Variants in CIT observed in about 807,000 individuals in gnomAD.
CIT encodes citron rho-interacting serine/threonine kinase, also known as citron Rho-interacting kinase.
A neutral mutation model predicts 272.7 loss-of-function variants in CIT; 79 were observed. That is an observed-to-expected ratio of 0.29 (90% CI 0.24 to 0.35). CIT has a LOEUF of 0.35. Ranked by LOEUF, CIT falls within the 10% of genes least tolerant of loss-of-function variation. The pLI is 1.00. For synonymous variants in CIT, 948 were observed against 995.6 expected (o/e 0.95, Z 0.90); for missense variants, 1,909 against 2,618.3 (o/e 0.73, Z 5.91).
intron 9 of CIT, among the ~76,000 whole-genome samples, chr12:119,812,947 A>C (rs762051279): frequency 1.3e-5 from 2 of 152,192 alleles, no homozygotes; most frequent in Non-Finnish European, 2.9e-5. Context: ...CAAACTTAAA[A>C]CTTCCCCTTT....
Position 119,688,117 on chromosome 12 carries a change from T to G in CIT, c.*115A>C. 8.4e-7 allele frequency: 1 copy of G among 1,194,630 alleles called. No individual in the cohort carries two copies. Among genetic ancestry groups the G allele is most frequent in the East Asian group, 2.3e-5 (1 of 42,966 alleles). The allele number at this position is 1,194,630 out of a possible 1,614,324, so 74.0% of individuals were successfully genotyped here. A position where few individuals can be genotyped will look rare whatever the true frequency, so the allele number is the denominator to read the frequency against. ...GTGCCGAGGTGGGTCTGGGCCCCGC[T>G]GAGCCAGAGGGTGGCTGAGCACGTG... On this transcript the variant is annotated 3_prime_UTR_variant, in exon 48 of 48. Coordinates refer to ENST00000392521, the MANE Select transcript of CIT (RefSeq NM_001206999.2).
chr12:119,847,924 A>C (rs568249864), intron 5 of CIT, among the ~76,000 whole-genome samples: 1 of 152,222 alleles, frequency 6.6e-6, no homozygotes, highest in South Asian at 2.1e-4. Flanking sequence ...AAAAAATTAA[A>C]AGTCTGTTAA....
intron 28 of CIT, among the ~76,000 whole-genome samples, chr12:119,726,385 ATTTTTTTTTTT>A (rs3999547): frequency 1.7e-4 from 17 of 101,444 alleles, no homozygotes; most frequent in South Asian, 6.4e-4. Context: ...CACTTGGCTA[ATTTTTTTTTTT>A]TTTTTTTTTT....
In CIT at chr12:119,686,892, T is replaced by C. The variant is rs3742046; in HGVS notation, c.*1340A>G. 0.018 allele frequency: 2,713 copies of C among 152,840 alleles called. 82 individuals carry two copies. Among genetic ancestry groups the C allele is most frequent in the East Asian group, 0.14 (715 of 5,176 alleles). The allele number at this position is 152,840 out of a possible 1,614,324, so 9.5% of individuals were successfully genotyped here. A position where few individuals can be genotyped will look rare whatever the true frequency, so the allele number is the denominator to read the frequency against. On this transcript the variant is annotated 3_prime_UTR_variant, in exon 48 of 48. Coordinates refer to ENST00000392521, the MANE Select transcript of CIT (RefSeq NM_001206999.2). ...CTGGAAGAGTTGAGCTGCGGCTGCT[T>C]TCTCAAACTTCCTGGTCTTAGGTCT...
chr12:119,820,532 G>A (rs565142390), intron 9 of CIT, among the ~76,000 whole-genome samples: 1 of 151,826 alleles, frequency 6.6e-6, no homozygotes, highest in African/African-American at 2.4e-5. Flanking sequence ...CCTGGGCGAC[G>A]GGAAGACTGT....
At chr12:119,735,098 G>A (rs1021487849) in intron 25 of CIT, 62 bp downstream of exon 25, 7 of 1,519,800 alleles carry the variant, frequency 4.6e-6, no homozygotes, top group African/African-American at 4.1e-5. Context: ...AACGCACCAA[G>A]CACTCCTAAA....
intron 9 of CIT, among the ~76,000 whole-genome samples, chr12:119,821,801 T>C (rs1045240134): frequency 1.7e-4 from 26 of 152,196 alleles, no homozygotes; most frequent in African/African-American, 6.3e-4. Flanking sequence ...GAGATGTCTA[T>C]TTATTTAGAA....
chr12:119,722,581 C>A (rs1407396985), intron 28 of CIT, among the ~76,000 whole-genome samples: 1 of 152,166 alleles, frequency 6.6e-6, no homozygotes, highest in Admixed American at 6.5e-5. Context: ...AGTAGAAAGA[C>A]CTGGATGCTG....
intron 9 of CIT, among the ~76,000 whole-genome samples, chr12:119,819,344 A>G (rs1270917187): frequency 6.6e-6 from 1 of 152,124 alleles, no homozygotes; most frequent in Non-Finnish European, 1.5e-5. Context: ...AGCAACCCCA[A>G]GAGGCAGGAC....
At chr12:119,737,093 G>A (rs924993546) in intron 24 of CIT, among the ~76,000 whole-genome samples, 1 of 151,840 alleles carries the variant, frequency 6.6e-6, no homozygotes, top group African/African-American at 2.4e-5. Flanking sequence ...TAAACATGAG[G>A]TCAGGAGATC....
At chr12:119,826,657 T>C (rs534067361) in intron 7 of CIT, among the ~76,000 whole-genome samples, 62 of 152,352 alleles carry the variant, frequency 4.1e-4, no homozygotes, top group African/African-American at 1.4e-3. Flanking sequence ...ATTTTAGCTA[T>C]ATAGTGTGTT....
At chr12:119,875,896 G>T (rs1467651141) in intron 2 of CIT, among the ~76,000 whole-genome samples, 177 bp downstream of exon 2, 2 of 152,268 alleles carry the variant, frequency 1.3e-5, no homozygotes, top group East Asian at 3.9e-4. Context: ...GCTGAGGCAG[G>T]AGAATCGCTT....
chr12:119,876,685 T>C (rs1225249430), intron 1 of CIT, among the ~76,000 whole-genome samples: 1 of 152,128 alleles, frequency 6.6e-6, no homozygotes, highest in Admixed American at 6.5e-5. Flanking sequence ...CTTGAAGACC[T>C]GAAGCGAATG....
chr12:119,827,216 T>G (rs960636173), intron 7 of CIT, among the ~76,000 whole-genome samples: 1 of 152,040 alleles, frequency 6.6e-6, no homozygotes, highest in South Asian at 2.1e-4. Flanking sequence ...CTTGGCTTGA[T>G]AGACAGAAGG....
Position 119,713,587 on chromosome 12 carries a change from A to T in CIT, c.4368T>A (p.Pro1456=). ...CGGTGAAGTGTGTGGCATATTCAGC[A>T]GGCAAGCCGCAGGTGGCTGGCAAGC... is the stretch of plus-strand genomic sequence containing the variant. ...STCLPATCGL[P]AEYATHFTEA... Residue 1456 remains proline (P), a synonymous_variant, in exon 34 of 48, where the codon CCT becomes CCA. Transcript: ENST00000392521. The surrounding 1 kb of genome is among the most constrained non-coding windows in gnomAD (Gnocchi z 5.2). The T allele has an allele frequency of 6.2e-7, 1 of 1,614,236 alleles. No individual in the cohort carries two copies. Among genetic ancestry groups the T allele is most frequent in the Non-Finnish European group, 8.5e-7 (1 of 1,180,044 alleles).
chr12:119,819,566 TACA>T (rs1275580219), intron 9 of CIT, among the ~76,000 whole-genome samples: 1 of 152,218 alleles, frequency 6.6e-6, no homozygotes, highest in Non-Finnish European at 1.5e-5. Context: ...TTTCATTGGT[TACA>T]ACAAGAAAAA....
intron 9 of CIT, among the ~76,000 whole-genome samples, chr12:119,820,899 G>C (rs901667395): frequency 5.3e-5 from 8 of 152,158 alleles, no homozygotes; most frequent in Non-Finnish European, 1.2e-4. Flanking sequence ...GAGCATGGGA[G>C]GTCGAGGCTG....
At position 119,745,403 on chromosome 12, in the gene CIT, T is replaced by C. The variant is rs573133084; in HGVS notation, c.2905-2939A>G. 1.9e-4 allele frequency among the ~76,000 whole-genome samples: 3 copies of C among 15,722 alleles called. No homozygotes were observed. In the South Asian group the frequency reaches 6.8e-3, roughly 36 times the overall value. 10.3% of individuals were successfully genotyped at this position (15,722 alleles called of 152,430 possible). On this transcript the variant is annotated intron_variant, in intron 23 of 47. Transcript: ENST00000392521. The stretch of plus-strand genomic sequence containing the variant: ...AAAAAAAAAAAAAAAAAAAAACACC[T>C]GTCCACATAGAATTCTATACCCAGC...
Position 119,832,634 on chromosome 12 carries a change from C to G in CIT, c.753+137G>C. 3 of 636,072 alleles carry G rather than the reference C, an allele frequency of 4.7e-6. No individual in the cohort carries two copies. The South Asian group carries it at 5.9e-5, about 13-fold the overall frequency. 39.4% of individuals were successfully genotyped at this position (636,072 alleles called of 1,614,324 possible). A position where few individuals can be genotyped will look rare whatever the true frequency, so the allele number is the denominator to read the frequency against. ...CACGGTCTGGGAAATGGTTCTGTGT[C>G]CCTGTCCCCACCCCCATACACTGCC... On this transcript the variant is annotated intron_variant, in intron 7 of 47. Coordinates refer to ENST00000392521, the MANE Select transcript of CIT (RefSeq NM_001206999.2).
Sources: gnomAD v4.1 joint callset for allele counts (sites outside exome capture counted in the v4.1 genomes callset) on GRCh38, gnomAD v4.1.1 for gene constraint, Gnocchi (gnomAD v3.1) non-coding constraint, MANE v1.5 for transcripts, NCBI Gene and HGNC (gene_info 2026-07-23, HGNC 2026-07-21) for gene names.